TTC39B: variants seen among roughly 807,000 people sequenced by gnomAD.
TTC39B encodes the protein tetratricopeptide repeat protein 39B.
Under a neutral mutation model 96.6 loss-of-function variants are expected in TTC39B, and 92 were observed. The observed-to-expected ratio is 0.95, with a 90% CI of 0.80 to 1.13. TTC39B has a LOEUF of 1.13. Among genes scored for constraint, TTC39B ranks in the 50% most tolerant of loss-of-function variants. The pLI is 0.00. For missense variants in TTC39B, 955 were observed against 809.3 expected (o/e 1.18, Z -2.18); for synonymous variants, 367 against 299.4 (o/e 1.23, Z -2.33).
At chr9:15,194,064 G>C (rs1819011217) in intron 8 of TTC39B, among the ~76,000 whole-genome samples, 1 of 152,144 alleles carries the variant, frequency 6.6e-6, no homozygotes, top group Admixed American at 6.6e-5. Context: ...ATCCATGTCA[G>C]TTTCCTCATT....
chr9:15,192,239 G>A (rs1325168723), intron 9 of TTC39B, among the ~76,000 whole-genome samples: 3 of 152,122 alleles, frequency 2.0e-5, no homozygotes, highest in Non-Finnish European at 4.4e-5. Flanking sequence ...CATTCCTCAA[G>A]TTATACTGGT....
chr9:15,193,778 C>T (rs74600700), intron 8 of TTC39B, among the ~76,000 whole-genome samples: 3,187 of 152,160 alleles, frequency 0.021, 123 homozygotes, highest in African/African-American at 0.073. Flanking sequence ...GTATTTTTGC[C>T]ATAGAGTCAT....
chr9:15,277,594 T>C (rs1041871599), intron 1 of TTC39B, among the ~76,000 whole-genome samples: 11 of 151,986 alleles, frequency 7.2e-5, no homozygotes, highest in African/African-American at 2.2e-4. Flanking sequence ...CAGTGAGACA[T>C]TGGAAGACAC....
exon 14 of TTC39B, chr9:15,188,053 A>C: frequency 6.2e-7 from 1 of 1,612,546 alleles, no homozygotes; most frequent in Non-Finnish European, 8.5e-7. Flanking sequence ...ATTAATCCAC[A>C]TTAGCTCCCA....
At chr9:15,192,028 C>G (rs1300164609) in intron 9 of TTC39B, among the ~76,000 whole-genome samples, 1 of 152,200 alleles carries the variant, frequency 6.6e-6, no homozygotes, top group African/African-American at 2.4e-5. Context: ...ACCAGTCAGC[C>G]TCTTTCCCAT....
intron 6 of TTC39B, among the ~76,000 whole-genome samples, chr9:15,206,485 C>G (rs921973333): frequency 6.6e-6 from 1 of 152,190 alleles, no homozygotes; most frequent in Non-Finnish European, 1.5e-5. Context: ...TTATAAAAGT[C>G]TTATTCTTTC....
chr9:15,215,612 C>A (rs571447294), intron 3 of TTC39B, among the ~76,000 whole-genome samples: 12 of 149,452 alleles, frequency 8.0e-5, no homozygotes, highest in Admixed American at 3.3e-4. Flanking sequence ...AATCCCAGCA[C>A]TTTGGGAGGC....
intron 2 of TTC39B, among the ~76,000 whole-genome samples, chr9:15,226,896 C>A (rs1821150065): frequency 6.6e-6 from 1 of 151,980 alleles, no homozygotes. Context: ...CTTAACAGTA[C>A]ACATTTCACA....
intron 2 of TTC39B, among the ~76,000 whole-genome samples, chr9:15,241,226 G>A (rs1453105468): frequency 6.6e-6 from 1 of 151,890 alleles, no homozygotes; most frequent in East Asian, 1.9e-4. Flanking sequence ...TCTCTCAAGA[G>A]GTACTTCCCT....
At chr9:15,175,284 A>G (rs533395750) in intron 18 of TTC39B, 149 bp from the exon 19 acceptor site, 1 of 584,700 alleles carries the variant, frequency 1.7e-6, no homozygotes, top group East Asian at 2.8e-5. Flanking sequence ...TATGGAACTC[A>G]TTAAACTATG....
At chr9:15,228,022 A>AT (rs1318243772) in intron 2 of TTC39B, among the ~76,000 whole-genome samples, 2 of 152,140 alleles carry the variant, frequency 1.3e-5, no homozygotes, top group Admixed American at 6.5e-5. Flanking sequence ...GTGCTGTGTA[A>AT]TTTTTTCCCT....
intron 1 of TTC39B, among the ~76,000 whole-genome samples, chr9:15,297,016 GAAAAGC>G (rs1452432771): frequency 1.4e-5 from 2 of 139,204 alleles, no homozygotes; most frequent in Non-Finnish European, 3.0e-5. Context: ...AAAGAAAAAA[GAAAAGC>G]CAAACTCGGT....
At chr9:15,234,123 C>T (rs1396688146) in intron 2 of TTC39B, among the ~76,000 whole-genome samples, 1 of 150,902 alleles carries the variant, frequency 6.6e-6, no homozygotes. Context: ...TGCCCGGCCG[C>T]CCCGTCTGAG....
intron 15 of TTC39B, chr9:15,186,721 C>T (rs2118709412): frequency 7.6e-6 from 3 of 393,398 alleles, no homozygotes; most frequent in Non-Finnish European, 1.4e-5. Flanking sequence ...GACAGAGTCT[C>T]ACTCTGTCTG....
chr9:15,169,194 T>A (rs962499484), exon 20 of TTC39B: 1 of 152,220 alleles, frequency 6.6e-6, no homozygotes, highest in African/African-American at 2.4e-5. Context: ...ACAGCCTTTA[T>A]CCACTTGTCT....
At chr9:15,217,536 C>T (rs1452531735) in intron 3 of TTC39B, among the ~76,000 whole-genome samples, 1 of 152,168 alleles carries the variant, frequency 6.6e-6, no homozygotes, top group Non-Finnish European at 1.5e-5. Flanking sequence ...ACCATGGGTT[C>T]TGTAAGGAAT....
chr9:15,189,451 T>C, intron 13 of TTC39B, 123 bp downstream of exon 13: 1 of 934,804 alleles, frequency 1.1e-6, no homozygotes, highest in Non-Finnish European at 1.6e-6. Flanking sequence ...ATATATTTTT[T>C]TCTTTATTTT....
At chr9:15,216,200 C>G (rs1391648071) in intron 3 of TTC39B, among the ~76,000 whole-genome samples, 1 of 152,154 alleles carries the variant, frequency 6.6e-6, no homozygotes, top group Non-Finnish European at 1.5e-5. Flanking sequence ...TGTAGACATG[C>G]TTGTCTGTCT....
intron 3 of TTC39B, among the ~76,000 whole-genome samples, chr9:15,215,317 G>A (rs1385235162): frequency 6.6e-6 from 1 of 152,172 alleles, no homozygotes; most frequent in Admixed American, 6.5e-5. Context: ...CAGCACTTTG[G>A]GAGGCCAAGG....
Sources: gnomAD v4.1 joint callset for allele counts (sites outside exome capture counted in the v4.1 genomes callset) on GRCh38, gnomAD v4.1.1 for gene constraint, MANE v1.5 for transcripts, NCBI Gene and HGNC (gene_info 2026-07-23, HGNC 2026-07-21) for gene names.